The following RUBCNL variants were observed in gnomAD, a reference collection of about 807,000 sequenced individuals.
RUBCNL encodes protein associated with UVRAG as autophagy enhancer.
In RUBCNL, 62 loss-of-function variants were observed where a neutral mutation model predicts 69.5. The ratio of observed to expected loss-of-function variants is 0.89; its 90% confidence interval spans 0.73 to 1.10. RUBCNL has a LOEUF of 1.10. RUBCNL is among the 50% of genes least tolerant of loss of function. The pLI is 0.00. For missense variants in RUBCNL, 768 were observed against 798.1 expected (o/e 0.96, Z 0.45); for synonymous variants, 291 against 303.6 (o/e 0.96, Z 0.43).
intron 12 of RUBCNL, among the ~76,000 whole-genome samples, chr13:46,347,494 T>C (rs747995887): frequency 1.3e-5 from 2 of 152,172 alleles, no homozygotes; most frequent in African/African-American, 2.4e-5. Context: ...CTTCCAAAAG[T>C]ACAATTTTTG....
chr13:46,345,670 T>C, intron 12 of RUBCNL, 70 bp from the exon 13 acceptor site: 3 of 1,477,202 alleles, frequency 2.0e-6, no homozygotes, highest in African/African-American at 1.4e-5. Context: ...ATGGGGCCAG[T>C]TGTTTTCTCT....
chr13:46,363,944 A>G (rs2048689579), intron 5 of RUBCNL, among the ~76,000 whole-genome samples: 1 of 148,766 alleles, frequency 6.7e-6, no homozygotes, highest in African/African-American at 2.5e-5. Context: ...AATAATACTG[A>G]TAATAGCATT....
At chr13:46,349,487 C>G (rs966437658) in intron 11 of RUBCNL, 140 bp from the exon 12 acceptor site, 15 of 759,468 alleles carry the variant, frequency 2.0e-5, no homozygotes, top group South Asian at 1.1e-4. Flanking sequence ...ACCGCCTATA[C>G]AGCAAGCCTT....
intron 4 of RUBCNL, 95 bp downstream of exon 4, chr13:46,368,638 T>G: frequency 1.5e-6 from 2 of 1,319,358 alleles, no homozygotes; most frequent in Admixed American, 4.5e-5. Flanking sequence ...CTATTTGTAA[T>G]GATTCATCAA....
chr13:46,366,898 C>T (rs1189755036), intron 5 of RUBCNL, among the ~76,000 whole-genome samples: 2 of 152,120 alleles, frequency 1.3e-5, no homozygotes, highest in South Asian at 4.1e-4. Flanking sequence ...CCTGGGGGGC[C>T]AGCCAGACGG....
In RUBCNL at chr13:46,359,511, T is replaced by A. The variant is rs202195085; in HGVS notation, c.1240A>T (p.Ile414Leu). The change falls in exon 9 of 15, where the codon ATA (isoleucine) becomes TTA (leucine). Residue 414 changes from isoleucine (I) to leucine (L), a missense_variant. Coordinates refer to ENST00000429979, the MANE Select transcript of RUBCNL (RefSeq NM_025113.5). ...TTGAGTGGTGGATGAATATTAAATA[T>A]GATTTGAAATCTAGGAGGAGCCCAG... ...EDWAPPRFQI[I>L]FNIHPPLKRD... The A allele has an allele frequency of 1.9e-6, 3 of 1,600,896 alleles. No homozygotes were observed. Among genetic ancestry groups the A allele is most frequent in the African/African-American group, 1.3e-5 (1 of 74,768 alleles).
At chr13:46,362,733 G>A in intron 6 of RUBCNL, 135 bp from the exon 7 acceptor site, 1 of 639,110 alleles carries the variant, frequency 1.6e-6, no homozygotes, top group Non-Finnish European at 2.8e-6. Context: ...CATGCTTCAG[G>A]TTCTGAGAAA....
At chr13:46,356,290 T>C (rs1211218180) in intron 10 of RUBCNL, 142 bp downstream of exon 10, 3 of 760,334 alleles carry the variant, frequency 3.9e-6, no homozygotes, top group East Asian at 2.8e-5. Context: ...GGACTCCTCA[T>C]GAAAAGGAGG....
At chr13:46,353,652 A>G (rs2138708122) in intron 10 of RUBCNL, among the ~76,000 whole-genome samples, 2 of 152,294 alleles carry the variant, frequency 1.3e-5, no homozygotes, top group South Asian at 4.1e-4. Flanking sequence ...CCCCCACGAC[A>G]AAGTCCATGG....
rs1323049371 is a variant in RUBCNL, at chr13:46,335,229, T to C, written c.*8156A>G. Among the ~76,000 whole-genome samples the C allele has an allele frequency of 2.0e-5, 3 of 150,162 alleles. No individual in the cohort carries two copies. Among genetic ancestry groups the C allele is most frequent in the African/African-American group, 7.4e-5 (3 of 40,684 alleles). On this transcript the variant is annotated 3_prime_UTR_variant, in exon 15 of 15. Coordinates refer to ENST00000429979, the MANE Select transcript of RUBCNL (RefSeq NM_025113.5). ...ACTGGCACACACCATTGTGCCCAGC[T>C]AATTTGTGTCTTTTTGTTGTTGTTG...
intron 5 of RUBCNL, among the ~76,000 whole-genome samples, chr13:46,366,895 G>A (rs1225664661): frequency 2.0e-5 from 3 of 152,140 alleles, no homozygotes; most frequent in Non-Finnish European, 4.4e-5. Context: ...GGTCCTGGGG[G>A]GCCAGCCAGA....
At chr13:46,389,284 G>T (rs1399575760), upstream of RUBCNL, among the ~76,000 whole-genome samples, 1 of 152,206 alleles carries the variant, frequency 6.6e-6, no homozygotes, top group Non-Finnish European at 1.5e-5. The surrounding 1 kb of genome is among the most constrained non-coding windows in gnomAD (Gnocchi z 4.2). Context: ...TTGAAGGCAG[G>T]TGTATCTGAC....
chr13:46,383,251 C>T (rs1444003358), intron 1 of RUBCNL, among the ~76,000 whole-genome samples: 2 of 152,212 alleles, frequency 1.3e-5, no homozygotes, highest in Admixed American at 1.3e-4. Flanking sequence ...ATCTGACCTC[C>T]TTATCTGCTA....
At chr13:46,362,421 G>T in intron 7 of RUBCNL, 117 bp downstream of exon 7, 1 of 544,984 alleles carries the variant, frequency 1.8e-6, no homozygotes, top group Non-Finnish European at 3.2e-6. Context: ...TAGATTCATG[G>T]GAACAAATCA....
chr13:46,355,181 A>G (rs975860916), intron 10 of RUBCNL, among the ~76,000 whole-genome samples: 2 of 152,146 alleles, frequency 1.3e-5, no homozygotes, highest in African/African-American at 4.8e-5. Context: ...TCTTTCCACA[A>G]AGCTCCTCTT....
At chr13:46,362,649 T>G in intron 6 of RUBCNL, 51 bp from the exon 7 acceptor site, 1 of 1,303,110 alleles carries the variant, frequency 7.7e-7, no homozygotes, top group Non-Finnish European at 1.1e-6. Context: ...CTGTTTCATT[T>G]AATCGCAGTC....
chr13:46,382,757 G>C (rs570803336), intron 1 of RUBCNL, among the ~76,000 whole-genome samples: 48 of 151,808 alleles, frequency 3.2e-4, no homozygotes, highest in Admixed American at 4.6e-4. Context: ...GGCTAGTCTC[G>C]ATCTCCTGAC....
intron 5 of RUBCNL, among the ~76,000 whole-genome samples, chr13:46,365,078 G>A (rs981200512): frequency 6.6e-6 from 1 of 151,980 alleles, no homozygotes; most frequent in Non-Finnish European, 1.5e-5. Flanking sequence ...CGAGGCAAGC[G>A]GATCACCTGA....
upstream of RUBCNL, chr13:46,389,780 C>G (rs560021810): frequency 6.6e-6 from 1 of 152,228 alleles, no homozygotes; most frequent in African/African-American, 2.4e-5. The surrounding 1 kb of genome is among the most constrained non-coding windows in gnomAD (Gnocchi z 4.2). Context: ...GTTAGGAATG[C>G]TCACTGGAAA....
Sources: gnomAD v4.1 joint callset for allele counts (sites outside exome capture counted in the v4.1 genomes callset) on GRCh38, gnomAD v4.1.1 for gene constraint, Gnocchi (gnomAD v3.1) non-coding constraint, MANE v1.5 for transcripts, NCBI Gene and HGNC (gene_info 2026-07-23, HGNC 2026-07-21) for gene names.